Variants in FSTL4 observed in about 807,000 individuals in gnomAD.
The protein encoded by FSTL4 is follistatin-related protein 4.
FSTL4 carries 28 observed loss-of-function variants against 78.2 expected under a neutral mutation model. That is an observed-to-expected ratio of 0.36 (90% confidence interval 0.27 to 0.49). FSTL4 has a LOEUF of 0.49. Among genes scored for constraint, FSTL4 ranks in the 20% least tolerant of loss-of-function variants. The probability of loss-of-function intolerance (pLI) is 0.98; values close to 1 mark genes in which losing one functional copy is unlikely to be tolerated. For synonymous variants in FSTL4, 422 were observed against 440.5 expected (o/e 0.96, Z 0.53); for missense variants, 922 against 1,084.9 (o/e 0.85, Z 2.11).
At chr5:133,608,763 A>G (rs767821277) in intron 1 of FSTL4, among the ~76,000 whole-genome samples, 1 of 152,256 alleles carries the variant, frequency 6.6e-6, no homozygotes, top group Admixed American at 6.5e-5. Context: ...ATGATGTAAC[A>G]TTCCAAATAC....
intron 3 of FSTL4, among the ~76,000 whole-genome samples, chr5:133,496,982 C>T (rs1294461473): frequency 1.3e-5 from 2 of 152,190 alleles, no homozygotes; most frequent in East Asian, 3.9e-4. Context: ...TCACTTGTCC[C>T]CTAGGGGTAC....
At chr5:133,716,396 T>C in the FSTL4 span, among the ~76,000 whole-genome samples, 2 of 149,464 alleles carry the variant, frequency 1.3e-5, no homozygotes, top group Non-Finnish European at 3.0e-5. Context: ...TATATATATA[T>C]ATATTCTTAT....
At chr5:133,382,635 T>C (rs375912980) in intron 4 of FSTL4, among the ~76,000 whole-genome samples, 8 of 152,124 alleles carry the variant, frequency 5.3e-5, no homozygotes, top group Non-Finnish European at 4.4e-5. Context: ...CCATGAACGG[T>C]CAGATGGCAT....
At chr5:133,398,163 G>C (rs1350492654) in intron 4 of FSTL4, among the ~76,000 whole-genome samples, 2 of 152,186 alleles carry the variant, frequency 1.3e-5, no homozygotes, top group East Asian at 1.9e-4. Flanking sequence ...ATTCACCTCA[G>C]GGCTGGCCTG....
chr5:133,327,554 C>T (rs993609462), intron 4 of FSTL4, among the ~76,000 whole-genome samples: 4 of 152,170 alleles, frequency 2.6e-5, no homozygotes, highest in Admixed American at 2.0e-4. Flanking sequence ...GGAGGGTGCC[C>T]GCCTCTCAGC....
chr5:133,690,163 T>G, the FSTL4 span, among the ~76,000 whole-genome samples: 1 of 152,178 alleles, frequency 6.6e-6, no homozygotes, highest in East Asian at 1.9e-4. Flanking sequence ...TCTCCATACC[T>G]GTGCCCTGCT....
chr5:133,576,916 T>G (rs1760295650), intron 2 of FSTL4, among the ~76,000 whole-genome samples: 1 of 152,252 alleles, frequency 6.6e-6, no homozygotes, highest in Non-Finnish European at 1.5e-5. Context: ...AAAACTTGAC[T>G]CTAAGCAGGT....
At chr5:133,824,931 C>T in the FSTL4 span, among the ~76,000 whole-genome samples, 66,000 of 151,810 alleles carry the variant, frequency 0.43, 16,042 homozygotes, top group Middle Eastern at 0.58. Flanking sequence ...CGTGAATCCC[C>T]TTCAGAGGGT....
At chr5:133,401,921 A>G (rs1756237047) in intron 3 of FSTL4, among the ~76,000 whole-genome samples, 1 of 152,120 alleles carries the variant, frequency 6.6e-6, no homozygotes. Context: ...AGAGAAATTT[A>G]GGTACACTAC....
the FSTL4 span, among the ~76,000 whole-genome samples, chr5:133,619,915 A>G: frequency 6.6e-6 from 1 of 152,240 alleles, no homozygotes; most frequent in Non-Finnish European, 1.5e-5. Context: ...ATTAAATGTT[A>G]TCTTCTAAAA....
chr5:133,711,724 A>G, the FSTL4 span, among the ~76,000 whole-genome samples: 1 of 152,222 alleles, frequency 6.6e-6, no homozygotes, highest in Non-Finnish European at 1.5e-5. Context: ...AAAACACAAA[A>G]ACCATGATCG....
chr5:133,214,837 T>C (rs1177941153), intron 13 of FSTL4, among the ~76,000 whole-genome samples: 1 of 152,204 alleles, frequency 6.6e-6, no homozygotes, highest in Non-Finnish European at 1.5e-5. Flanking sequence ...GTGGGAGTAG[T>C]TATTCTCAGT....
intron 6 of FSTL4, among the ~76,000 whole-genome samples, chr5:133,311,638 T>C (rs1483475273): frequency 6.6e-6 from 1 of 152,198 alleles, no homozygotes. Context: ...GAAGCAGGAA[T>C]ACTTTGCTGG....
chr5:133,569,523 G>A (rs1411686248), intron 2 of FSTL4, among the ~76,000 whole-genome samples: 1 of 152,150 alleles, frequency 6.6e-6, no homozygotes, highest in Admixed American at 6.6e-5. Context: ...CCCTCTAGTG[G>A]AATGTGGGTT....
At chr5:133,417,373 T>C (rs1459449222) in intron 3 of FSTL4, among the ~76,000 whole-genome samples, 1 of 151,942 alleles carries the variant, frequency 6.6e-6, no homozygotes, top group African/African-American at 2.4e-5. Flanking sequence ...AACAGATCAT[T>C]AGAGAACTGT....
intron 4 of FSTL4, among the ~76,000 whole-genome samples, chr5:133,318,680 G>A (rs1753969216): frequency 6.6e-6 from 1 of 152,252 alleles, no homozygotes; most frequent in Non-Finnish European, 1.5e-5. Context: ...GGAAGAGGCT[G>A]TACTCAGAAA....
At chr5:133,662,107 C>T in the FSTL4 span, among the ~76,000 whole-genome samples, 1 of 152,116 alleles carries the variant, frequency 6.6e-6, no homozygotes, top group Non-Finnish European at 1.5e-5. Flanking sequence ...ATAGCCAGTA[C>T]ATTTTTACTT....
intron 3 of FSTL4, among the ~76,000 whole-genome samples, chr5:133,445,796 T>G (rs1757252034): frequency 6.6e-6 from 1 of 152,034 alleles, no homozygotes; most frequent in Non-Finnish European, 1.5e-5. Context: ...TTCTTGGGGA[T>G]TATTTAAGTG....
At chr5:133,329,327 C>G (rs979168192) in intron 4 of FSTL4, among the ~76,000 whole-genome samples, 7 of 152,064 alleles carry the variant, frequency 4.6e-5, no homozygotes, top group African/African-American at 1.7e-4. Flanking sequence ...TACCATCCTG[C>G]ACAAAAACTT....
Sources: allele counts gnomAD v4.1 joint callset (sites outside exome capture counted in the v4.1 genomes callset), GRCh38; gene constraint gnomAD v4.1.1; transcripts MANE v1.5; gene names NCBI Gene and HGNC (gene_info 2026-07-23, HGNC 2026-07-21).